The following KLHL13 variants were observed in gnomAD, a reference collection of about 807,000 sequenced individuals.
KLHL13 encodes kelch like family member 13.
A neutral mutation model predicts 37.1 loss-of-function variants in KLHL13; 10 were observed. The ratio of observed to expected loss-of-function variants is 0.27; its 90% CI spans 0.17 to 0.46. The LOEUF (loss-of-function observed/expected upper bound fraction) is 0.46. Ranked by LOEUF, KLHL13 falls within the 20% of genes least tolerant of loss-of-function variation. The pLI is 1.00. For missense variants in KLHL13, 360 were observed against 509.3 expected (o/e 0.71, Z 2.82); for synonymous variants, 163 against 181.2 (o/e 0.90, Z 0.81).
intron 1 of KLHL13, among the ~76,000 whole-genome samples, chrX:118,084,989 C>T (rs1406247640): frequency 9.1e-6 from 1 of 110,075 alleles, no homozygotes; most frequent in Non-Finnish European, 1.9e-5. Context: ...TGACACTGCA[C>T]TCCAGACTGG....
chrX:118,032,421 G>C (rs184677828), intron 1 of KLHL13, among the ~76,000 whole-genome samples: 9,367 of 111,522 alleles, frequency 0.084, 347 homozygotes, highest in Middle Eastern at 0.13. Context: ...CTCTTCAAGT[G>C]GGTCCCTGAC....
chrX:118,002,436 A>C (rs1025790943), intron 1 of KLHL13, among the ~76,000 whole-genome samples: 2 of 108,826 alleles, frequency 1.8e-5, no homozygotes, highest in African/African-American at 6.7e-5. Flanking sequence ...TCTACTAAAA[A>C]TACAAAATTA....
chrX:117,929,774 T>C (rs1932286140), intron 2 of KLHL13, among the ~76,000 whole-genome samples: 2 of 53,113 alleles, frequency 3.8e-5, no homozygotes, highest in Non-Finnish European at 5.8e-5. Flanking sequence ...AGACATCGTC[T>C]CTACAAAAAA....
intron 1 of KLHL13, among the ~76,000 whole-genome samples, chrX:117,959,410 A>G: frequency 8.9e-6 from 1 of 112,420 alleles, no homozygotes; most frequent in Non-Finnish European, 1.9e-5. Context: ...CTAAAGCTAG[A>G]TCAGACTATT....
intron 1 of KLHL13, among the ~76,000 whole-genome samples, chrX:118,058,187 CTGA>C (rs1313856309): frequency 2.7e-5 from 3 of 111,806 alleles, no homozygotes; most frequent in Non-Finnish European, 5.6e-5. Context: ...GTTTCTCATA[CTGA>C]TATCAATAAT....
chrX:118,061,464 G>T (rs12012899), intron 1 of KLHL13, among the ~76,000 whole-genome samples: 1 of 110,696 alleles, frequency 9.0e-6, no homozygotes, highest in African/African-American at 3.3e-5. Context: ...GGTAGTATAC[G>T]AACTGTGTAT....
At chrX:117,933,222 T>TA (rs1932555675) in intron 2 of KLHL13, among the ~76,000 whole-genome samples, 3 of 111,151 alleles carry the variant, frequency 2.7e-5, no homozygotes, top group Admixed American at 9.6e-5. Flanking sequence ...TGAGCAAAAA[T>TA]AAAAAAATTG....
chrX:117,909,866 C>T (rs1930852289), exon 5 of KLHL13: 1 of 1,209,811 alleles, frequency 8.3e-7, no homozygotes, highest in African/African-American at 1.7e-5. Flanking sequence ...GAGGCTCTTC[C>T]AGGCGAAGCC....
At chrX:118,052,810 G>T (rs942364036) in intron 1 of KLHL13, among the ~76,000 whole-genome samples, 1 of 108,232 alleles carries the variant, frequency 9.2e-6, no homozygotes, top group African/African-American at 3.5e-5. Context: ...CAGGCCGACA[G>T]AGCAAGACGC....
intron 1 of KLHL13, among the ~76,000 whole-genome samples, chrX:117,997,240 G>GA (rs775368890): frequency 0.094 from 9,422 of 100,326 alleles, 412 homozygotes; most frequent in African/African-American, 0.16. Context: ...CTCTCTTATG[G>GA]AAAAAAAAAA....
chrX:118,051,172 T>C (rs2054608467), intron 1 of KLHL13, among the ~76,000 whole-genome samples: 1 of 108,273 alleles, frequency 9.2e-6, no homozygotes, highest in African/African-American at 3.4e-5. Flanking sequence ...ACCACCTACC[T>C]GAGAGCAGCA....
intron 1 of KLHL13, among the ~76,000 whole-genome samples, chrX:118,060,671 T>C (rs986043220): frequency 9.0e-6 from 1 of 111,213 alleles, no homozygotes; most frequent in African/African-American, 3.3e-5. Flanking sequence ...TCACCATTGC[T>C]AAGTGGCTGA....
chrX:117,962,449 G>A (rs1315831902), intron 1 of KLHL13, among the ~76,000 whole-genome samples: 2 of 110,604 alleles, frequency 1.8e-5, no homozygotes, highest in Non-Finnish European at 3.8e-5. Context: ...AGCACTGTCC[G>A]TGGCAGCTAA....
intron 1 of KLHL13, among the ~76,000 whole-genome samples, chrX:118,016,477 T>A (rs1378722260): frequency 8.9e-6 from 1 of 111,830 alleles, no homozygotes; most frequent in Non-Finnish European, 1.9e-5. Context: ...TTTTACTGAA[T>A]AAAATCACCA....
At chrX:117,913,463 T>G (rs985465628) in intron 4 of KLHL13, among the ~76,000 whole-genome samples, 8 of 112,581 alleles carry the variant, frequency 7.1e-5, no homozygotes, top group African/African-American at 1.9e-4. Context: ...TTTTATTTCA[T>G]CTGAAAACCT....
At chrX:117,926,628 G>T (rs913796834) in intron 2 of KLHL13, among the ~76,000 whole-genome samples, 4 of 110,937 alleles carry the variant, frequency 3.6e-5, no homozygotes, top group African/African-American at 6.6e-5. Flanking sequence ...GGGAAAGTTT[G>T]CTCTAGAATA....
intron 1 of KLHL13, among the ~76,000 whole-genome samples, chrX:118,098,043 CA>C (rs1421882227): frequency 3.6e-5 from 4 of 111,688 alleles, no homozygotes; most frequent in African/African-American, 1.3e-4. Flanking sequence ...TCTAAAACAC[CA>C]AAAGCAATGG....
chrX:117,911,770 G>C (rs1377714829), intron 4 of KLHL13, among the ~76,000 whole-genome samples: 5 of 111,962 alleles, frequency 4.5e-5, no homozygotes, highest in Admixed American at 3.8e-4. Context: ...TGGTGTACAT[G>C]TGCCACATTT....
At chrX:117,998,166 G>A (rs990381497) in intron 1 of KLHL13, among the ~76,000 whole-genome samples, 2 of 111,632 alleles carry the variant, frequency 1.8e-5, no homozygotes, top group African/African-American at 6.5e-5. Context: ...CAAATACATA[G>A]GTACACAGAA....
Sources: gnomAD v4.1 joint callset for allele counts (sites outside exome capture counted in the v4.1 genomes callset) on GRCh38, gnomAD v4.1.1 for gene constraint, MANE v1.5 for transcripts, NCBI Gene and HGNC (gene_info 2026-07-23, HGNC 2026-07-21) for gene names.